Variants in SYTL5 observed in about 807,000 individuals in gnomAD.
The protein encoded by SYTL5 is synaptotagmin like 5.
Under a neutral mutation model 55.9 loss-of-function variants are expected in SYTL5, and 34 were observed. The ratio of observed to expected loss-of-function variants is 0.61; its 90% CI spans 0.46 to 0.81. SYTL5 has a LOEUF of 0.81. Ranked by LOEUF, SYTL5 falls within the 30% of genes least tolerant of loss-of-function variation. The pLI, the probability that SYTL5 is intolerant of heterozygous loss-of-function variation, is 0.00. For missense variants in SYTL5, 637 were observed against 546.7 expected (o/e 1.17, Z -1.65); for synonymous variants, 221 against 188.7 (o/e 1.17, Z -1.40).
intron 2 of SYTL5, among the ~76,000 whole-genome samples, chrX:38,053,568 G>A (rs1320700653): frequency 8.9e-6 from 1 of 112,153 alleles, no homozygotes; most frequent in Non-Finnish European, 1.9e-5. Flanking sequence ...GATGTGAAAT[G>A]GTAGGCAGTC....
chrX:37,955,094 C>T, the SYTL5 span, among the ~76,000 whole-genome samples: 1 of 110,412 alleles, frequency 9.1e-6, no homozygotes, highest in African/African-American at 3.3e-5. Context: ...TGAGTTTTCT[C>T]ATATCTGTAA....
intron 2 of SYTL5, among the ~76,000 whole-genome samples, chrX:38,039,702 C>A (rs751141171): frequency 9.0e-6 from 1 of 111,643 alleles, no homozygotes; most frequent in Non-Finnish European, 1.9e-5. Flanking sequence ...TACATGAAAA[C>A]ATATCTGCAC....
At chrX:37,935,882 A>G in the SYTL5 span, among the ~76,000 whole-genome samples, 1 of 112,576 alleles carries the variant, frequency 8.9e-6, no homozygotes, top group Non-Finnish European at 1.9e-5. Flanking sequence ...AATGGCAGAC[A>G]CAAATCCTGC....
At chrX:37,924,930 C>G in the SYTL5 span, among the ~76,000 whole-genome samples, 1 of 111,092 alleles carries the variant, frequency 9.0e-6, no homozygotes, top group Non-Finnish European at 1.9e-5. Flanking sequence ...CTATTGTTAA[C>G]TAGAATTTCC....
the SYTL5 span, among the ~76,000 whole-genome samples, chrX:37,956,704 G>A: frequency 9.0e-6 from 1 of 111,698 alleles, no homozygotes; most frequent in African/African-American, 3.3e-5. Flanking sequence ...GGACATTTAG[G>A]TTGTTTACAT....
chrX:37,910,449 A>G, the SYTL5 span, among the ~76,000 whole-genome samples: 1,198 of 112,459 alleles, frequency 0.011, 9 homozygotes, highest in South Asian at 0.028. Flanking sequence ...GGACTTCAAC[A>G]TGTGAATTTG....
At chrX:37,892,370 TATA>T in the SYTL5 span, among the ~76,000 whole-genome samples, 1 of 105,862 alleles carries the variant, frequency 9.4e-6, no homozygotes, top group Admixed American at 1.1e-4. Flanking sequence ...ATATAATATA[TATA>T]ATACTTCAAG....
rs1936319560 is a variant in SYTL5, at chrX:38,073,577, G to A, written c.446-13G>A. 2 of 1,133,410 alleles carry A rather than the reference G, an allele frequency of 1.8e-6. No individual in the cohort carries two copies. The highest frequency in any genetic ancestry group is 2.4e-6 in the Non-Finnish European group (2 of 845,323). The allele number at this position is 1,133,410 out of a possible 1,213,427, so 93.4% of individuals were successfully genotyped here. A position where few individuals can be genotyped will look rare whatever the true frequency, so the allele number is the denominator to read the frequency against. On this transcript the variant is annotated splice_polypyrimidine_tract_variant and intron_variant, in intron 4 of 16. Transcript: ENST00000297875. ...TTGTATGTAAATTTCTCTTCTGATT[G>A]TTTGTTAATGAGGAGCTGAAGAAGT...
the SYTL5 span, among the ~76,000 whole-genome samples, chrX:37,963,637 T>G: frequency 8.9e-6 from 1 of 112,050 alleles, no homozygotes; most frequent in African/African-American, 3.2e-5. Context: ...TTCTGTTTAT[T>G]CTGGAGTATT....
intron 13 of SYTL5, among the ~76,000 whole-genome samples, chrX:38,115,926 G>C (rs971106289): frequency 2.7e-5 from 3 of 111,744 alleles, no homozygotes; most frequent in African/African-American, 9.8e-5. Context: ...TCTTTGCTCT[G>C]CAGAAGTTCA....
At chrX:38,000,408 G>C in the SYTL5 span, among the ~76,000 whole-genome samples, 1 of 112,212 alleles carries the variant, frequency 8.9e-6, no homozygotes, top group Non-Finnish European at 1.9e-5. Context: ...AATGGGAAAA[G>C]TTCCCTTGTC....
At position 38,122,233 on chromosome X, in the gene SYTL5, CT is replaced by C; in HGVS notation, c.1841+23del. On this transcript the variant is annotated intron_variant, in intron 15 of 16. Coordinates refer to ENST00000297875, the MANE Select transcript of SYTL5 (RefSeq NM_138780.3). ...GTGAAGGGGTAACTTTGTTTTAGCT[CT>C]TTTTGGATGATACTTAATAGGAGAT... The C allele has an allele frequency of 2.5e-6, 3 of 1,192,856 alleles. No individual in the cohort carries two copies. Among genetic ancestry groups the C allele is most frequent in the Non-Finnish European group, 2.3e-6 (2 of 882,769 alleles).
chrX:38,073,947 C>T (rs1256166099), intron 5 of SYTL5, among the ~76,000 whole-genome samples: 5 of 111,783 alleles, frequency 4.5e-5, no homozygotes, highest in African/African-American at 6.5e-5. Flanking sequence ...TCCAGTCTTG[C>T]ACTATATGGT....
chrX:37,973,851 C>G, the SYTL5 span, among the ~76,000 whole-genome samples: 1 of 110,532 alleles, frequency 9.0e-6, no homozygotes, highest in South Asian at 3.9e-4. Flanking sequence ...CCAAGTTGGC[C>G]AGGCTGCTCT....
intron 12 of SYTL5, among the ~76,000 whole-genome samples, chrX:38,108,955 C>T (rs760196753): frequency 1.8e-5 from 2 of 112,448 alleles, no homozygotes; most frequent in Non-Finnish European, 3.8e-5. Flanking sequence ...CAAACTGCAT[C>T]GGTGCTGATG....
chrX:37,991,118 T>G, the SYTL5 span: 7 of 1,211,456 alleles, frequency 5.8e-6, no homozygotes, highest in Non-Finnish European at 7.8e-6. Flanking sequence ...ACAACAACCG[T>G]GAGCCCCACA....
At chrX:38,001,742 G>A (rs756896185), upstream of SYTL5, among the ~76,000 whole-genome samples, 29 of 111,562 alleles carry the variant, frequency 2.6e-4, no homozygotes, top group East Asian at 7.8e-3. Flanking sequence ...ATTATAAATG[G>A]TGCTGCAATA....
chrX:38,095,801 A>G (rs1182866384), intron 8 of SYTL5, among the ~76,000 whole-genome samples: 1 of 111,109 alleles, frequency 9.0e-6, no homozygotes. Flanking sequence ...GCCCATTCTA[A>G]GAGAGTTTTT....
the SYTL5 span, among the ~76,000 whole-genome samples, chrX:37,935,946 A>T: frequency 0.015 from 1,652 of 112,300 alleles, 37 homozygotes; most frequent in African/African-American, 0.05. Context: ...ACGGATTTTT[A>T]AAAATGATAC....
Sources: allele counts gnomAD v4.1 joint callset (sites outside exome capture counted in the v4.1 genomes callset), GRCh38; gene constraint gnomAD v4.1.1; transcripts MANE v1.5; gene names NCBI Gene and HGNC (gene_info 2026-07-23, HGNC 2026-07-21).